Variants in HS3ST4 observed in about 807,000 individuals in gnomAD.
HS3ST4 encodes heparan sulfate-glucosamine 3-sulfotransferase 4, also known as heparan sulfate glucosamine 3-O-sulfotransferase 4.
A neutral mutation model predicts 29.2 loss-of-function variants in HS3ST4; 17 were observed. That is an observed-to-expected ratio of 0.58 (90% CI 0.40 to 0.87). The LOEUF (loss-of-function observed/expected upper bound fraction) is 0.87. Among genes scored for constraint, HS3ST4 ranks in the 40% least tolerant of loss-of-function variants. The pLI is 0.00. For synonymous variants in HS3ST4, 314 were observed against 285.7 expected, an observed-to-expected ratio of 1.10 and a Z score of -1.00; for missense variants, 627 against 634.5, an observed-to-expected ratio of 0.99 and a Z score of 0.13.
At chr16:25,760,399 T>A (rs1231081251) in intron 1 of HS3ST4, among the ~76,000 whole-genome samples, 1 of 149,024 alleles carries the variant, frequency 6.7e-6, no homozygotes, top group Non-Finnish European at 1.5e-5. Context: ...TCTGTTGGAT[T>A]AGGACCCACC....
intron 1 of HS3ST4, among the ~76,000 whole-genome samples, chr16:26,032,355 T>G (rs1403847085): frequency 6.6e-6 from 1 of 151,906 alleles, no homozygotes; most frequent in Non-Finnish European, 1.5e-5. Flanking sequence ...TTTGGAGACA[T>G]TCTATTAGTG....
intron 1 of HS3ST4, chr16:25,886,922 G>A (rs1464661371): frequency 1.3e-5 from 2 of 152,190 alleles, no homozygotes; most frequent in African/African-American, 4.8e-5. Flanking sequence ...GTATTTAGAG[G>A]TAAATTATTT....
chr16:26,098,510 C>G (rs1217844790), intron 1 of HS3ST4, among the ~76,000 whole-genome samples: 10 of 152,114 alleles, frequency 6.6e-5, no homozygotes, highest in Non-Finnish European at 1.3e-4. Flanking sequence ...TGCATGTTCT[C>G]ACTCATGGGT....
intron 1 of HS3ST4, among the ~76,000 whole-genome samples, chr16:25,899,032 C>T (rs1208402460): frequency 6.6e-6 from 1 of 152,212 alleles, no homozygotes; most frequent in Non-Finnish European, 1.5e-5. Flanking sequence ...CACACCGTGG[C>T]ACAGTTACTT....
At chr16:25,762,740 C>T (rs1440104540) in intron 1 of HS3ST4, among the ~76,000 whole-genome samples, 1 of 151,424 alleles carries the variant, frequency 6.6e-6, no homozygotes, top group East Asian at 1.9e-4. Flanking sequence ...AAAAAAACCA[C>T]CCGACGTGTA....
Position 25,841,433 on chromosome 16 carries a change from C to T in HS3ST4, c.734+148282C>T, listed in dbSNP as rs376648476. Among the ~76,000 whole-genome samples the T allele has an allele frequency of 2.5e-4, 38 of 152,114 alleles. 2 individuals are homozygous for T. The highest frequency in any genetic ancestry group is 2.3e-3 in the East Asian group (12 of 5,160). ...CTCCCACTTCAGCCTCTGGAATAAC[C>T]GGGACTATAGGCAGCTAATTTTTGT... On this transcript the variant is annotated intron_variant, in intron 1 of 1. Coordinates refer to ENST00000331351, the MANE Select transcript of HS3ST4 (RefSeq NM_006040.3).
At chr16:25,733,843 A>G (rs898709525) in intron 1 of HS3ST4, among the ~76,000 whole-genome samples, 23 of 152,132 alleles carry the variant, frequency 1.5e-4, no homozygotes, top group African/African-American at 4.8e-4. Flanking sequence ...TGGGTGCCGG[A>G]CGCAGTGGCT....
chr16:25,954,286 A>G (rs944136349), intron 1 of HS3ST4, among the ~76,000 whole-genome samples: 1 of 152,210 alleles, frequency 6.6e-6, no homozygotes, highest in Admixed American at 6.5e-5. Flanking sequence ...GCTGCATCAC[A>G]TAGTAATAAT....
At chr16:26,122,927 G>A (rs1242869865) in intron 1 of HS3ST4, among the ~76,000 whole-genome samples, 3 of 152,084 alleles carry the variant, frequency 2.0e-5, no homozygotes, top group Middle Eastern at 3.4e-3. Flanking sequence ...GGTGGCGGGC[G>A]CTTGTAATTC....
At chr16:26,041,290 A>T (rs1281634605) in intron 1 of HS3ST4, among the ~76,000 whole-genome samples, 1 of 152,150 alleles carries the variant, frequency 6.6e-6, no homozygotes, top group Admixed American at 6.5e-5. Flanking sequence ...GCAGTGAGCT[A>T]TGATCATGCA....
chr16:26,057,669 G>C (rs1898426310), intron 1 of HS3ST4, among the ~76,000 whole-genome samples: 1 of 152,184 alleles, frequency 6.6e-6, no homozygotes, highest in Non-Finnish European at 1.5e-5. Flanking sequence ...GCTTGAACCT[G>C]GGAGGCGGAG....
At chr16:25,906,802 C>T (rs771870256) in intron 1 of HS3ST4, among the ~76,000 whole-genome samples, 11 of 151,970 alleles carry the variant, frequency 7.2e-5, no homozygotes, top group African/African-American at 1.9e-4. Flanking sequence ...TTGGAAATAG[C>T]GCTTAAGGAA....
intron 1 of HS3ST4, among the ~76,000 whole-genome samples, chr16:25,818,044 G>C (rs918242471): frequency 6.6e-6 from 1 of 152,196 alleles, no homozygotes; most frequent in African/African-American, 2.4e-5. Context: ...ACTTCTTCCA[G>C]CCAAGGTTTC....
At chr16:25,817,803 A>G (rs781237749) in intron 1 of HS3ST4, among the ~76,000 whole-genome samples, 7 of 152,244 alleles carry the variant, frequency 4.6e-5, no homozygotes, top group Non-Finnish European at 8.8e-5. Flanking sequence ...TTCACTGTAT[A>G]TGGTTGAACC....
chr16:25,915,912 G>T (rs1349373695), intron 1 of HS3ST4, among the ~76,000 whole-genome samples: 1 of 152,164 alleles, frequency 6.6e-6, no homozygotes, highest in African/African-American at 2.4e-5. Flanking sequence ...GTTGTTGGAG[G>T]ATTAAGTGAA....
intron 1 of HS3ST4, among the ~76,000 whole-genome samples, chr16:25,929,867 A>T (rs528537325): frequency 1.3e-5 from 2 of 152,310 alleles, no homozygotes; most frequent in East Asian, 3.9e-4. Context: ...AACTTGCGTC[A>T]TGGGCTTTTG....
chr16:26,086,614 G>A (rs1898792384), intron 1 of HS3ST4, among the ~76,000 whole-genome samples: 1 of 152,148 alleles, frequency 6.6e-6, no homozygotes, highest in Admixed American at 6.6e-5. Context: ...CTCCCAAAGT[G>A]CTGGGATTAC....
intron 1 of HS3ST4, among the ~76,000 whole-genome samples, chr16:25,711,843 G>T (rs1966417925): frequency 6.6e-6 from 1 of 152,102 alleles, no homozygotes; most frequent in South Asian, 2.1e-4. Flanking sequence ...TGCCCAGGCT[G>T]GTCTTGAACT....
chr16:25,857,911 CCTTCCTTCCTTTCTTT>C lies in HS3ST4; in HGVS notation c.734+164764_734+164779del, dbSNP rs1221520830. On this transcript the variant is annotated intron_variant, in intron 1 of 1. Coordinates refer to ENST00000331351, the MANE Select transcript of HS3ST4 (RefSeq NM_006040.3). ...CTTTCTTTTTCTTTCTTCCTTCCTT[CCTTCCTTCCTTTCTTT>C]CTTTCTTTCTTTCTTTCTTTCTTTC... Among the ~76,000 whole-genome samples, 703 of 73,216 alleles carry C rather than the reference CCTTCCTTCCTTTCTTT, an allele frequency of 9.6e-3. 8 individuals carry two copies. The highest frequency in any genetic ancestry group is 0.026 in the African/African-American group (446 of 17,076). The allele number at this position is 73,216 out of a possible 152,430, so 48.0% of individuals were successfully genotyped here.
Sources: allele counts gnomAD v4.1 joint callset (sites outside exome capture counted in the v4.1 genomes callset), GRCh38; gene constraint gnomAD v4.1.1; transcripts MANE v1.5; gene names NCBI Gene and HGNC (gene_info 2026-07-23, HGNC 2026-07-21).